The following MRPL1 variants were observed in gnomAD, a reference collection of about 807,000 sequenced individuals.
MRPL1 encodes the protein mitochondrial ribosomal protein L1, also known as large ribosomal subunit protein uL1m.
Under a neutral mutation model 38.0 loss-of-function variants are expected in MRPL1, and 28 were observed. The observed-to-expected ratio is 0.74, with a 90% CI of 0.55 to 1.01. The LOEUF (loss-of-function observed/expected upper bound fraction) is 1.01. Ranked by LOEUF, MRPL1 falls within the 50% of genes least tolerant of loss-of-function variation. MRPL1 has a pLI of 0.00. For synonymous variants in MRPL1, 123 were observed against 126.7 expected (o/e 0.97, Z 0.20); for missense variants, 358 against 389.8 (o/e 0.92, Z 0.69).
intron 3 of MRPL1, 109 bp downstream of exon 3, chr4:77,883,609 G>T: frequency 4.3e-6 from 5 of 1,153,270 alleles, no homozygotes; most frequent in Non-Finnish European, 6.0e-6. Flanking sequence ...GGGTCTTCTT[G>T]CCGTGTTGCC....
At chr4:77,893,539 T>G (rs1735850528) in intron 5 of MRPL1, among the ~76,000 whole-genome samples, 1 of 151,972 alleles carries the variant, frequency 6.6e-6, no homozygotes, top group Non-Finnish European at 1.5e-5. Context: ...TGAATATTAA[T>G]TCCTTTGTTC....
chr4:77,883,151 G>T (rs1735582900), intron 2 of MRPL1, 91 bp from the exon 3 acceptor site: 7 of 781,040 alleles, frequency 9.0e-6, no homozygotes, highest in African/African-American at 3.7e-5. Flanking sequence ...TTCATCCTTT[G>T]TTTTTTTTTC....
chr4:77,913,820 A>G (rs1736352209), intron 7 of MRPL1, among the ~76,000 whole-genome samples: 1 of 152,246 alleles, frequency 6.6e-6, no homozygotes, highest in African/African-American at 2.4e-5. Context: ...ATACTGATGG[A>G]TTTCAAAATA....
chr4:77,871,593 T>C (rs7689226), intron 1 of MRPL1, 151 bp from the exon 2 acceptor site: 91,653 of 500,996 alleles, frequency 0.18, 10,135 homozygotes, highest in African/African-American at 0.39. Context: ...CATGAGACAC[T>C]GTGCCTGGCT....
At chr4:77,876,940 G>A (rs928710867) in intron 2 of MRPL1, among the ~76,000 whole-genome samples, 3 of 151,462 alleles carry the variant, frequency 2.0e-5, no homozygotes, top group Non-Finnish European at 4.4e-5. Flanking sequence ...TGCTCTTTTT[G>A]CCCAGGCTGG....
At chr4:77,908,231 G>A (rs1168149358) in intron 6 of MRPL1, 6 of 157,556 alleles carry the variant, frequency 3.8e-5, no homozygotes, top group South Asian at 2.7e-4. Flanking sequence ...TTCCAAGACC[G>A]TACTGTTATT....
intron 7 of MRPL1, among the ~76,000 whole-genome samples, chr4:77,933,700 T>C (rs1736898343): frequency 1.3e-5 from 2 of 152,162 alleles, no homozygotes; most frequent in Non-Finnish European, 2.9e-5. Flanking sequence ...AGAAGCGTGG[T>C]ACAGAAAATT....
At chr4:77,887,073 G>A in intron 4 of MRPL1, 147 bp from the exon 5 acceptor site, 1 of 688,194 alleles carries the variant, frequency 1.5e-6, no homozygotes, top group Non-Finnish European at 2.5e-6. Flanking sequence ...ACCAGTGAGA[G>A]CCACTGCATC....
chr4:77,933,095 G>T (rs751378346), intron 7 of MRPL1, among the ~76,000 whole-genome samples: 1 of 152,048 alleles, frequency 6.6e-6, no homozygotes, highest in East Asian at 1.9e-4. Flanking sequence ...GACTACATGC[G>T]CTCCACACGT....
At chr4:77,920,364 T>C (rs1261080891) in intron 7 of MRPL1, among the ~76,000 whole-genome samples, 1 of 152,242 alleles carries the variant, frequency 6.6e-6, no homozygotes, top group East Asian at 1.9e-4. Context: ...GGAATTTTGA[T>C]ATTTTATCTT....
intron 2 of MRPL1, among the ~76,000 whole-genome samples, chr4:77,873,635 T>C (rs555058282): frequency 1.3e-5 from 2 of 152,348 alleles, no homozygotes; most frequent in South Asian, 4.1e-4. Context: ...TAGCATACTT[T>C]GTTGAGCATC....
chr4:77,904,119 T>G (rs1736100593), intron 6 of MRPL1, among the ~76,000 whole-genome samples: 1 of 151,098 alleles, frequency 6.6e-6, no homozygotes, highest in Admixed American at 6.6e-5. Context: ...TGGTGGCATG[T>G]GCCTGGAGTC....
chr4:77,943,091 C>G (rs1737173241), intron 7 of MRPL1, among the ~76,000 whole-genome samples: 1 of 152,112 alleles, frequency 6.6e-6, no homozygotes, highest in Non-Finnish European at 1.5e-5. Flanking sequence ...CAAATTCTCT[C>G]AGCATTTGTT....
At chr4:77,901,185 C>T (rs114291116) in intron 6 of MRPL1, among the ~76,000 whole-genome samples, 1,950 of 152,122 alleles carry the variant, frequency 0.013, 23 homozygotes, top group East Asian at 0.046. Flanking sequence ...GAAGCATTAA[C>T]AGTATTAATA....
chr4:77,886,223 C>T (rs1401710422), intron 4 of MRPL1, among the ~76,000 whole-genome samples: 1 of 151,976 alleles, frequency 6.6e-6, no homozygotes, highest in African/African-American at 2.4e-5. Context: ...GGCTGGAGTA[C>T]AGTGGTGCAG....
At chr4:77,934,867 G>C (rs537987586) in intron 7 of MRPL1, among the ~76,000 whole-genome samples, 1 of 152,218 alleles carries the variant, frequency 6.6e-6, no homozygotes, top group East Asian at 1.9e-4. Flanking sequence ...GGAAATTGAC[G>C]CATCCTACAA....
intron 7 of MRPL1, among the ~76,000 whole-genome samples, chr4:77,940,903 A>C (rs1038187019): frequency 2.0e-5 from 3 of 152,138 alleles, no homozygotes; most frequent in African/African-American, 7.2e-5. Flanking sequence ...CCCAGGTCAT[A>C]GTGGATTATC....
chr4:77,873,530 A>G lies in MRPL1; in HGVS notation c.143+1675A>G, dbSNP rs191233806. On this transcript the variant is annotated intron_variant, in intron 2 of 8. Coordinates refer to ENST00000315567, the MANE Select transcript of MRPL1 (RefSeq NM_020236.4). ...ACCCAAAATGAAAACTAAAGGGTAG[A>G]AAGTTTTTGCTGACTGTAAATTTTC... Among the ~76,000 whole-genome samples, 45 of 152,372 alleles carry G rather than the reference A, an allele frequency of 3.0e-4. No homozygotes were observed. The East Asian group carries it at 7.7e-3, about 26-fold the overall frequency.
At chr4:77,896,478 A>C (rs1735917654) in intron 6 of MRPL1, among the ~76,000 whole-genome samples, 1 of 152,190 alleles carries the variant, frequency 6.6e-6, no homozygotes, top group African/African-American at 2.4e-5. Flanking sequence ...TTCTTTAAAC[A>C]TGAAAACAAA....
Sources: gnomAD v4.1 joint callset for allele counts (sites outside exome capture counted in the v4.1 genomes callset) on GRCh38, gnomAD v4.1.1 for gene constraint, MANE v1.5 for transcripts, NCBI Gene and HGNC (gene_info 2026-07-23, HGNC 2026-07-21) for gene names.